BLK: variants seen among roughly 807,000 people sequenced by gnomAD.
BLK encodes the protein tyrosine-protein kinase Blk.
In BLK, 64 loss-of-function variants were observed where a neutral mutation model predicts 61.8. The observed-to-expected ratio is 1.03, with a 90% CI of 0.85 to 1.27. The LOEUF is 1.27. BLK is among the 50% of genes most tolerant of loss of function. The pLI is 0.00. For missense variants in BLK, 853 were observed against 660.5 expected, an observed-to-expected ratio of 1.29 and a Z score of -3.19; for synonymous variants, 351 against 272.0, an observed-to-expected ratio of 1.29 and a Z score of -2.86.
At chr8:11,500,347 C>T (rs1383491347) in intron 1 of BLK, among the ~76,000 whole-genome samples, 3 of 151,960 alleles carry the variant, frequency 2.0e-5, no homozygotes, top group Non-Finnish European at 4.4e-5. Context: ...GTGTGCACCA[C>T]CACGCCCTGC....
At chr8:11,552,335 C>G (rs1288716078) in intron 6 of BLK, among the ~76,000 whole-genome samples, 1 of 152,170 alleles carries the variant, frequency 6.6e-6, no homozygotes, top group Admixed American at 6.5e-5. Context: ...GTGCTCTGTG[C>G]AGGATTTCTT....
rs1800770360 is a variant in BLK, at chr8:11,548,872, G to A, written c.270-152G>A. On this transcript the variant is annotated intron_variant, in intron 4 of 12. Transcript: ENST00000259089. ...CGGATAGCCACTGTACCACTGAGCAGTGGGCACAAGCCCCTTCCTGCCTGC... is the reference window on the plus strand; with the variant it reads ...CGGATAGCCACTGTACCACTGAGCAATGGGCACAAGCCCCTTCCTGCCTGC... 49 of 755,658 alleles carry A rather than the reference G, an allele frequency of 6.5e-5. No homozygotes were observed. The South Asian group carries it at 7.3e-4, about 11-fold the overall frequency. The allele number at this position is 755,658 out of a possible 1,614,324, so 46.8% of individuals were successfully genotyped here. A position where few individuals can be genotyped will look rare whatever the true frequency, so the allele number is the denominator to read the frequency against.
At chr8:11,546,144 C>T in intron 3 of BLK, 41 bp downstream of exon 3, 2 of 1,609,274 alleles carry the variant, frequency 1.2e-6, no homozygotes, top group Non-Finnish European at 1.7e-6. Flanking sequence ...CCACAGCCCT[C>T]TCCCCTAGGT....
chr8:11,508,612 G>A (rs1405071968), intron 1 of BLK, among the ~76,000 whole-genome samples: 1 of 152,186 alleles, frequency 6.6e-6, no homozygotes, highest in Non-Finnish European at 1.5e-5. Flanking sequence ...GTCCTCTCCC[G>A]CATTCCCTCT....
intron 1 of BLK, among the ~76,000 whole-genome samples, chr8:11,539,528 T>C (rs1800280088): frequency 1.3e-5 from 2 of 152,238 alleles, no homozygotes; most frequent in Non-Finnish European, 2.9e-5. Flanking sequence ...ATAATGATGT[T>C]TTATTAACCT....
Position 11,561,472 on chromosome 8 carries a change from A to G in BLK, c.1180+20A>G. 6.2e-7 allele frequency: 1 copy of G among 1,612,380 alleles called. No homozygotes were observed. Among genetic ancestry groups the G allele is most frequent in the Non-Finnish European group, 8.5e-7 (1 of 1,179,322 alleles). On this transcript the variant is annotated intron_variant, in intron 11 of 12. Coordinates refer to ENST00000259089, the MANE Select transcript of BLK (RefSeq NM_001715.3). ...AAGAGGGTAAGCACAGCCCCTAACC[A>G]CAAGGGAAACCTAGGGCCTTATCTT...
rs190642337 is a variant in BLK, at chr8:11,556,385, G to A, written c.773-273G>A. On this transcript the variant is annotated intron_variant, in intron 8 of 12. Transcript: ENST00000259089. ...GGGGTGGGGGAAGGACACAGGTTCC[G>A]TGCAGGACAGAAGGACACAGGCCCA... The A allele has an allele frequency of 2.9e-4, 144 of 495,292 alleles. 3 individuals are homozygous for A. Among genetic ancestry groups the A allele is most frequent in the Middle Eastern group, 2.3e-3 (4 of 1,740 alleles). 30.7% of individuals were successfully genotyped at this position (495,292 alleles called of 1,614,324 possible). A position where few individuals can be genotyped will look rare whatever the true frequency, so the allele number is the denominator to read the frequency against.
At chr8:11,556,932 AG>A (rs1459518672) in intron 9 of BLK, 95 bp downstream of exon 9, 3 of 566,292 alleles carry the variant, frequency 5.3e-6, no homozygotes, top group South Asian at 2.1e-5. Flanking sequence ...TCACCAGGCC[AG>A]GGGGTCCTGC....
chr8:11,543,100 T>G lies in BLK; in HGVS notation c.-1-124T>G, dbSNP rs1800460378. 6 of 1,493,652 alleles carry G rather than the reference T, an allele frequency of 4.0e-6. No homozygotes were observed. In the South Asian group the frequency reaches 5.8e-5, roughly 14 times the overall value. 92.5% of individuals were successfully genotyped at this position (1,493,652 alleles called of 1,614,324 possible). Reference sequence around the variant, plus strand: ...ACCCACGTTCTGACTTTGAGGTCTTTGCTGCACCCACTTCCACCCCACCTT... The same window carrying G: ...ACCCACGTTCTGACTTTGAGGTCTTGGCTGCACCCACTTCCACCCCACCTT... On this transcript the variant is annotated intron_variant, in intron 1 of 12. Coordinates refer to ENST00000259089, the MANE Select transcript of BLK (RefSeq NM_001715.3).
Position 11,506,826 on chromosome 8 carries a change from C to G in BLK, c.-2+12235C>G, listed in dbSNP as rs975432952. The stretch of plus-strand genomic sequence containing the variant: ...AGGGATGCATCCTCCCACTCTGGGG[C>G]CCCCCAGGTGGGACTCTCAGGGAGG... On this transcript the variant is annotated intron_variant, in intron 1 of 12. Transcript: ENST00000259089. Among the ~76,000 whole-genome samples, 24 of 152,302 alleles carry G rather than the reference C, an allele frequency of 1.6e-4. No homozygotes were observed. In the East Asian group the frequency reaches 1.7e-3, roughly 11 times the overall value.
intron 1 of BLK, among the ~76,000 whole-genome samples, chr8:11,500,972 G>A (rs1335323318): frequency 4.6e-5 from 7 of 152,040 alleles, no homozygotes; most frequent in Non-Finnish European, 1.0e-4. Flanking sequence ...ACTTTGGGAG[G>A]CCAAGGTGGG....
chr8:11,512,014 A>C lies in BLK; in HGVS notation c.-2+17423A>C, dbSNP rs147329610. 9.1e-3 allele frequency among the ~76,000 whole-genome samples: 1,385 copies of C among 152,362 alleles called. 9 individuals carry two copies. The highest frequency in any genetic ancestry group is 0.044 in the Middle Eastern group (13 of 294). Reference sequence around the variant, plus strand: ...TAATTTATTCGTTCAAAGAAGAGAAAGATTTACTGCATGTCTACAATGTAT... The same window carrying C: ...TAATTTATTCGTTCAAAGAAGAGAACGATTTACTGCATGTCTACAATGTAT... On this transcript the variant is annotated intron_variant, in intron 1 of 12. Coordinates refer to ENST00000259089, the MANE Select transcript of BLK (RefSeq NM_001715.3).
chr8:11,559,248 A>T (rs1055226483), intron 10 of BLK, among the ~76,000 whole-genome samples: 1 of 152,212 alleles, frequency 6.6e-6, no homozygotes, highest in Non-Finnish European at 1.5e-5. Flanking sequence ...GGCAGCCTCT[A>T]ACCACATGCT....
chr8:11,532,943 A>C (rs2127133), intron 1 of BLK, among the ~76,000 whole-genome samples: 151,633 of 152,344 alleles, frequency 1, 75,465 homozygotes, highest in East Asian at 1. Context: ...CTTCAGCAAG[A>C]CCTTAAGCCT....
chr8:11,553,271 T>G (rs948776234), intron 6 of BLK: 4 of 292,208 alleles, frequency 1.4e-5, no homozygotes, highest in Non-Finnish European at 2.8e-5. Flanking sequence ...TATGTGAGGA[T>G]AGACTAGTTT....
intron 1 of BLK, among the ~76,000 whole-genome samples, chr8:11,517,705 C>T (rs1340501432): frequency 3.9e-5 from 6 of 152,190 alleles, no homozygotes; most frequent in Admixed American, 6.5e-5. Context: ...CTCCCGAAGA[C>T]CCTCTTGCGT....
intron 8 of BLK, 131 bp from the exon 9 acceptor site, chr8:11,556,527 G>C: frequency 1.8e-6 from 2 of 1,117,982 alleles, no homozygotes; most frequent in Non-Finnish European, 2.7e-6. Context: ...CATGGCCTCC[G>C]GAACTGCATG....
chr8:11,525,685 C>T (rs1019073474), intron 1 of BLK, among the ~76,000 whole-genome samples: 1 of 152,196 alleles, frequency 6.6e-6, no homozygotes, highest in Non-Finnish European at 1.5e-5. Flanking sequence ...AAAAGTTCGC[C>T]TTCCCTGCCA....
intron 6 of BLK, among the ~76,000 whole-genome samples, 189 bp downstream of exon 6, chr8:11,550,451 G>A (rs571297859): frequency 2.0e-4 from 30 of 152,370 alleles, no homozygotes; most frequent in African/African-American, 7.0e-4. Flanking sequence ...AGTCCTCCCT[G>A]TCCCGGCTGG....
Sources: allele counts gnomAD v4.1 joint callset (sites outside exome capture counted in the v4.1 genomes callset), GRCh38; gene constraint gnomAD v4.1.1; transcripts MANE v1.5; gene names NCBI Gene and HGNC (gene_info 2026-07-23, HGNC 2026-07-21).